The following GSK3B variants were observed in gnomAD, a reference collection of about 807,000 sequenced individuals.
GSK3B encodes glycogen synthase kinase-3 beta.
Under a neutral mutation model 56.4 loss-of-function variants are expected in GSK3B, and 15 were observed. That is an observed-to-expected ratio of 0.27 (90% confidence interval 0.18 to 0.41). The LOEUF is 0.41. GSK3B is among the 10% of genes least tolerant of loss of function. The probability of loss-of-function intolerance (pLI) is 1.00; values close to 1 mark genes in which losing one functional copy is unlikely to be tolerated. For synonymous variants in GSK3B, 181 were observed against 188.9 expected (o/e 0.96, Z 0.34); for missense variants, 300 against 513.4 (o/e 0.58, Z 4.02).
chr3:119,952,405 T>C (rs2057166188), intron 2 of GSK3B, among the ~76,000 whole-genome samples: 1 of 150,828 alleles, frequency 6.6e-6, no homozygotes, highest in Non-Finnish European at 1.5e-5. Context: ...GGAGAATTGC[T>C]TGAGCCCGGG....
At chr3:119,850,493 G>A (rs2055915424) in intron 9 of GSK3B, among the ~76,000 whole-genome samples, 1 of 152,094 alleles carries the variant, frequency 6.6e-6, no homozygotes, top group Non-Finnish European at 1.5e-5. Flanking sequence ...TCTTGCTATA[G>A]TCCTATTCTT....
Position 120,093,818 on chromosome 3 carries a change from A to AT in GSK3B, c.-385dup, listed in dbSNP as rs1159249614. ...TTCGAATATTATATTTTCCTCGGGG[A>AT]TTTTTTTTCCGAGTCAATGAAGAAG... On this transcript the variant is annotated 5_prime_UTR_variant, in exon 1 of 11. Transcript: ENST00000264235. 10 of 201,946 alleles carry AT rather than the reference A, an allele frequency of 5.0e-5. No homozygotes were observed. The highest frequency in any genetic ancestry group is 7.0e-5 in the Non-Finnish European group (7 of 99,930). The allele number at this position is 201,946 out of a possible 1,614,324, so 12.5% of individuals were successfully genotyped here.
chr3:119,972,036 C>T (rs1305660603), intron 2 of GSK3B, among the ~76,000 whole-genome samples: 1 of 152,174 alleles, frequency 6.6e-6, no homozygotes, highest in Non-Finnish European at 1.5e-5. Context: ...GGAGATGACC[C>T]TCCTTCTGGC....
chr3:119,968,706 CA>C (rs796772164), intron 2 of GSK3B, among the ~76,000 whole-genome samples: 1 of 147,858 alleles, frequency 6.8e-6, no homozygotes. Context: ...TGCAATATGC[CA>C]AAAAAAAATA....
chr3:119,827,585 TAAAAAA>T (rs1156408098), intron 10 of GSK3B, among the ~76,000 whole-genome samples: 49 of 42,106 alleles, frequency 1.2e-3, no homozygotes, highest in African/African-American at 2.9e-3. Flanking sequence ...ATACCGTCTT[TAAAAAA>T]AAAAAAAAAA....
chr3:120,092,137 T>A (rs949287249), intron 1 of GSK3B, among the ~76,000 whole-genome samples: 6 of 152,206 alleles, frequency 3.9e-5, no homozygotes, highest in African/African-American at 1.4e-4. Flanking sequence ...ATTCTGCAAG[T>A]ATGTTTAAAC....
intron 9 of GSK3B, among the ~76,000 whole-genome samples, chr3:119,853,928 T>C (rs1035377706): frequency 2.6e-5 from 4 of 152,182 alleles, no homozygotes; most frequent in Admixed American, 2.6e-4. Context: ...TCCTGCCTGA[T>C]TACCCTGGCC....
At chr3:119,852,800 T>C (rs1472015875) in intron 9 of GSK3B, among the ~76,000 whole-genome samples, 1 of 152,216 alleles carries the variant, frequency 6.6e-6, no homozygotes, top group Admixed American at 6.5e-5. Flanking sequence ...TTTGTTTAAG[T>C]TCTTTGTAGA....
chr3:120,045,963 G>A (rs1049446526), intron 1 of GSK3B, among the ~76,000 whole-genome samples: 2 of 152,124 alleles, frequency 1.3e-5, no homozygotes, highest in Non-Finnish European at 2.9e-5. Flanking sequence ...ATTGCTAAGT[G>A]AAAGAACCAC....
At chr3:119,957,896 GA>G (rs1559852840) in intron 2 of GSK3B, among the ~76,000 whole-genome samples, 2 of 152,254 alleles carry the variant, frequency 1.3e-5, no homozygotes, top group East Asian at 3.9e-4. Flanking sequence ...CTTCAGTATT[GA>G]AAGAGCTTAT....
At chr3:119,908,361 C>G (rs576925252) in intron 6 of GSK3B, among the ~76,000 whole-genome samples, 5 of 152,298 alleles carry the variant, frequency 3.3e-5, no homozygotes, top group Admixed American at 1.3e-4. Context: ...GCTGGAAAAT[C>G]CAATGACATA....
chr3:120,022,681 T>C (rs969191649), intron 1 of GSK3B, among the ~76,000 whole-genome samples: 1 of 152,198 alleles, frequency 6.6e-6, no homozygotes, highest in Non-Finnish European at 1.5e-5. Flanking sequence ...GGAAGAGTAC[T>C]GTCAGATTAA....
intron 3 of GSK3B, among the ~76,000 whole-genome samples, chr3:119,935,232 C>T (rs562422302): frequency 2.9e-3 from 434 of 152,162 alleles, no homozygotes; most frequent in Non-Finnish European, 5.3e-3. Context: ...CAACATAAAA[C>T]TTTAAGGAAG....
At chr3:119,931,407 G>A (rs977003429) in intron 3 of GSK3B, among the ~76,000 whole-genome samples, 1 of 152,180 alleles carries the variant, frequency 6.6e-6, no homozygotes, top group Non-Finnish European at 1.5e-5. Context: ...CTTGAGCCCG[G>A]AAGTTTAACA....
intron 6 of GSK3B, among the ~76,000 whole-genome samples, chr3:119,912,406 A>C (rs2056742964): frequency 6.6e-6 from 1 of 152,094 alleles, no homozygotes; most frequent in Non-Finnish European, 1.5e-5. Flanking sequence ...TGACACAAAG[A>C]CATGATGACA....
chr3:120,037,904 T>C (rs966000721), intron 1 of GSK3B, among the ~76,000 whole-genome samples: 13 of 152,086 alleles, frequency 8.5e-5, no homozygotes, highest in African/African-American at 2.2e-4. Flanking sequence ...TAATACACTA[T>C]AGAGAATAAA....
chr3:119,869,531 A>G (rs79870401), intron 8 of GSK3B, among the ~76,000 whole-genome samples: 2,438 of 152,294 alleles, frequency 0.016, 63 homozygotes, highest in African/African-American at 0.056. Context: ...TAAGAAACAC[A>G]AAGAATCCTT....
rs1273239463 is a variant in GSK3B at position 119,822,435 on chromosome 3, G to C, written c.*4353C>G. On this transcript the variant is annotated 3_prime_UTR_variant, in exon 11 of 11. Transcript: ENST00000264235. ...CTGCCTGTAGACAGATATAGTTAAG[G>C]AAAAAAAAACTTAAAAATTAACACA... 4.6e-6 allele frequency: 1 copy of C among 215,806 alleles called. No homozygotes were observed. The highest frequency in any genetic ancestry group is 2.3e-5 in the African/African-American group (1 of 43,970). The allele number at this position is 215,806 out of a possible 1,614,324, so 13.4% of individuals were successfully genotyped here.
At chr3:120,092,214 G>A (rs888169819) in intron 1 of GSK3B, among the ~76,000 whole-genome samples, 54 of 152,106 alleles carry the variant, frequency 3.6e-4, no homozygotes, top group Non-Finnish European at 1.5e-4. Context: ...TAGATACTTA[G>A]TATATATTAA....
Sources: gnomAD v4.1 joint callset for allele counts (sites outside exome capture counted in the v4.1 genomes callset) on GRCh38, gnomAD v4.1.1 for gene constraint, MANE v1.5 for transcripts, NCBI Gene and HGNC (gene_info 2026-07-23, HGNC 2026-07-21) for gene names.